NUDCD1: variants seen among roughly 807,000 people sequenced by gnomAD.
NUDCD1 encodes the protein NudC domain containing 1, also known as nudC domain-containing protein 1.
In NUDCD1, 60 loss-of-function variants were observed where a neutral mutation model predicts 67.8. The ratio of observed to expected loss-of-function variants is 0.88; its 90% CI spans 0.72 to 1.10. NUDCD1 has a LOEUF of 1.10. Among genes scored for constraint, NUDCD1 ranks in the 50% least tolerant of loss-of-function variants. The pLI is 0.00. For synonymous variants in NUDCD1, 244 were observed against 230.8 expected (o/e 1.06, Z -0.52); for missense variants, 643 against 695.0 (o/e 0.93, Z 0.84).
At chr8:109,284,930 T>C (rs1586277868) in intron 5 of NUDCD1, among the ~76,000 whole-genome samples, 2 of 147,346 alleles carry the variant, frequency 1.4e-5, no homozygotes, top group South Asian at 2.1e-4. Context: ...TTAGCTAGAT[T>C]AACAAAAAAA....
intron 1 of NUDCD1, chr8:109,329,980 G>A: frequency 1.6e-6 from 2 of 1,247,506 alleles, no homozygotes; most frequent in Admixed American, 3.9e-5. Context: ...TGTAGATTCT[G>A]ACTAGTCAAG....
chr8:109,249,369 T>C (rs1813572236), intron 8 of NUDCD1, among the ~76,000 whole-genome samples: 2 of 152,222 alleles, frequency 1.3e-5, no homozygotes, highest in Admixed American at 1.3e-4. Flanking sequence ...AGCTTTCAAG[T>C]AATCTTCCCG....
intron 8 of NUDCD1, among the ~76,000 whole-genome samples, chr8:109,253,341 A>G (rs1813662525): frequency 6.6e-6 from 1 of 152,374 alleles, no homozygotes; most frequent in East Asian, 1.9e-4. Context: ...GCTCAGCAGA[A>G]GCAAATACAG....
chr8:109,317,609 C>T (rs1026788628), intron 2 of NUDCD1, among the ~76,000 whole-genome samples: 2 of 152,084 alleles, frequency 1.3e-5, no homozygotes, highest in African/African-American at 4.8e-5. Context: ...TAGAATTGTT[C>T]CTGATATGTA....
chr8:109,313,429 T>A (rs1046132840), intron 2 of NUDCD1, among the ~76,000 whole-genome samples: 1 of 152,190 alleles, frequency 6.6e-6, no homozygotes, highest in Admixed American at 6.5e-5. Context: ...GCACAAAGTA[T>A]AGATAGACAC....
chr8:109,280,387 A>G (rs11985483), intron 6 of NUDCD1, among the ~76,000 whole-genome samples: 11,062 of 152,102 alleles, frequency 0.073, 1,317 homozygotes, highest in African/African-American at 0.25. Context: ...GCCTCAAGCA[A>G]TCCTCCTACC....
chr8:109,314,797 A>G (rs1484793917), intron 2 of NUDCD1, among the ~76,000 whole-genome samples: 1 of 152,138 alleles, frequency 6.6e-6, no homozygotes, highest in Non-Finnish European at 1.5e-5. Flanking sequence ...ACAGTAAACA[A>G]GTAATACATA....
At chr8:109,264,131 A>G (rs1405904555) in intron 8 of NUDCD1, among the ~76,000 whole-genome samples, 6 of 152,208 alleles carry the variant, frequency 3.9e-5, no homozygotes, top group Non-Finnish European at 7.3e-5. Context: ...GCACTTGGGA[A>G]TCGTTTGAGT....
Position 109,331,080 on chromosome 8 carries a change from G to A in NUDCD1, c.118+2813C>T, listed in dbSNP as rs540303253. On this transcript the variant is annotated intron_variant, in intron 1 of 9. Coordinates refer to ENST00000239690, the MANE Select transcript of NUDCD1 (RefSeq NM_032869.4). ...AAAATCGGTCGGAGCAGTGGCTCAG[G>A]CCTGTTAATCCCAGCACTTTGGGAG... Among the ~76,000 whole-genome samples the A allele has an allele frequency of 3.2e-4, 48 of 152,224 alleles. No homozygotes were observed. The South Asian group carries it at 9.3e-3, about 30-fold the overall frequency.
chr8:109,301,108 A>G (rs1368463421), intron 2 of NUDCD1, among the ~76,000 whole-genome samples: 2 of 152,204 alleles, frequency 1.3e-5, no homozygotes, highest in African/African-American at 2.4e-5. Flanking sequence ...CTAAGCCATC[A>G]TATCCCCTGT....
chr8:109,296,601 T>G, intron 2 of NUDCD1, 32 bp from the exon 3 acceptor site: 4 of 1,417,726 alleles, frequency 2.8e-6, no homozygotes, highest in Non-Finnish European at 2.9e-6. Flanking sequence ...CATTAATCTC[T>G]TCCTCTTCAC....
chr8:109,270,735 G>C (rs143139085), intron 8 of NUDCD1, among the ~76,000 whole-genome samples: 1 of 151,128 alleles, frequency 6.6e-6, no homozygotes, highest in Admixed American at 6.6e-5. Context: ...AAAAAAAAGT[G>C]AAGTTATTAT....
At chr8:109,310,232 T>C (rs953064297) in intron 2 of NUDCD1, among the ~76,000 whole-genome samples, 9 of 151,866 alleles carry the variant, frequency 5.9e-5, no homozygotes, top group Non-Finnish European at 1.0e-4. Context: ...TATAAGACCA[T>C]AGTCACCAAA....
At chr8:109,290,802 T>G (rs1371997949) in intron 4 of NUDCD1, among the ~76,000 whole-genome samples, 1 of 152,186 alleles carries the variant, frequency 6.6e-6, no homozygotes, top group Admixed American at 6.6e-5. Context: ...TCATACTGAG[T>G]AGTCGAAAAT....
chr8:109,327,299 G>T (rs1451960062), intron 1 of NUDCD1, among the ~76,000 whole-genome samples: 1 of 152,182 alleles, frequency 6.6e-6, no homozygotes, highest in Non-Finnish European at 1.5e-5. Flanking sequence ...ATTCATGTGG[G>T]TATTTTCCCC....
intron 6 of NUDCD1, among the ~76,000 whole-genome samples, chr8:109,279,323 C>G (rs1310892099): frequency 6.6e-6 from 1 of 152,140 alleles, no homozygotes; most frequent in Non-Finnish European, 1.5e-5. Flanking sequence ...GTATTGGTGT[C>G]TCACTCTAGT....
At chr8:109,278,055 T>C (rs1380846211) in intron 6 of NUDCD1, among the ~76,000 whole-genome samples, 2 of 152,226 alleles carry the variant, frequency 1.3e-5, no homozygotes, top group Non-Finnish European at 2.9e-5. Context: ...ACATGGATCA[T>C]ATACTACTAA....
At chr8:109,276,874 G>A (rs890017479) in intron 6 of NUDCD1, among the ~76,000 whole-genome samples, 31 of 152,230 alleles carry the variant, frequency 2.0e-4, no homozygotes, top group African/African-American at 7.2e-4. Flanking sequence ...TGTTGGCCAG[G>A]CTGATCTTAA....
chr8:109,303,726 T>C (rs558556986), intron 2 of NUDCD1, among the ~76,000 whole-genome samples: 4 of 152,198 alleles, frequency 2.6e-5, no homozygotes, highest in South Asian at 2.1e-4. Flanking sequence ...TACTCCCTCC[T>C]TGGCAACCGA....
Sources: gnomAD v4.1 joint callset for allele counts (sites outside exome capture counted in the v4.1 genomes callset) on GRCh38, gnomAD v4.1.1 for gene constraint, MANE v1.5 for transcripts, NCBI Gene and HGNC (gene_info 2026-07-23, HGNC 2026-07-21) for gene names.